CNTN4: variants seen among roughly 807,000 people sequenced by gnomAD.
The protein encoded by CNTN4 is contactin 4, also known as contactin-4.
CNTN4 carries 77 observed loss-of-function variants against 122.5 expected under a neutral mutation model. The observed-to-expected ratio is 0.63, with a 90% CI of 0.52 to 0.76. The LOEUF (loss-of-function observed/expected upper bound fraction) is 0.76. Ranked by LOEUF, CNTN4 falls within the 30% of genes least tolerant of loss-of-function variation. CNTN4 has a pLI of 0.00. For synonymous variants in CNTN4, 512 were observed against 447.0 expected, an observed-to-expected ratio of 1.15 and a Z score of -1.83; for missense variants, 1,256 against 1,259.1, an observed-to-expected ratio of 1.00 and a Z score of 0.04.
chr3:2,513,190 C>A (rs2076940240), intron 3 of CNTN4, among the ~76,000 whole-genome samples: 3 of 152,136 alleles, frequency 2.0e-5, no homozygotes, highest in Non-Finnish European at 2.9e-5. Flanking sequence ...GAAGTAACGG[C>A]AAGTGGTTTT....
chr3:2,377,018 T>G (rs1559499280), intron 3 of CNTN4, among the ~76,000 whole-genome samples: 1 of 152,076 alleles, frequency 6.6e-6, no homozygotes, highest in African/African-American at 2.4e-5. Flanking sequence ...TAGCCAGGCA[T>G]AGTGGAGCAC....
At chr3:2,925,920 G>T (rs982019688) in intron 13 of CNTN4, 141 bp downstream of exon 13, 11 of 730,556 alleles carry the variant, frequency 1.5e-5, no homozygotes, top group Non-Finnish European at 2.5e-5. Context: ...GCTTTGGAAG[G>T]ATGAGTGGTA....
At chr3:2,891,671 T>C (rs1559626939) in intron 10 of CNTN4, among the ~76,000 whole-genome samples, 1 of 152,150 alleles carries the variant, frequency 6.6e-6, no homozygotes, top group Non-Finnish European at 1.5e-5. Flanking sequence ...TTTCTTGATA[T>C]GCAGCAGGGA....
intron 2 of CNTN4, among the ~76,000 whole-genome samples, chr3:2,192,047 A>G (rs1473177228): frequency 2.0e-5 from 3 of 151,866 alleles, no homozygotes; most frequent in African/African-American, 7.3e-5. Context: ...TCTCCCTACA[A>G]AGGACATGAA....
intron 2 of CNTN4, among the ~76,000 whole-genome samples, chr3:2,262,859 TC>T (rs903849120): frequency 8.5e-5 from 13 of 152,142 alleles, no homozygotes; most frequent in Non-Finnish European, 1.8e-4. Flanking sequence ...ACTGTAGTGT[TC>T]CATGATGTCA....
At chr3:2,779,917 AG>A (rs1237090265) in intron 6 of CNTN4, among the ~76,000 whole-genome samples, 1 of 152,260 alleles carries the variant, frequency 6.6e-6, no homozygotes, top group African/African-American at 2.4e-5. Flanking sequence ...TTGACTCTCA[AG>A]AATTCATACC....
At chr3:2,121,615 A>G (rs1227653434) in intron 2 of CNTN4, among the ~76,000 whole-genome samples, 1 of 152,234 alleles carries the variant, frequency 6.6e-6, no homozygotes, top group Non-Finnish European at 1.5e-5. Context: ...ACTGAAGAAT[A>G]TAAGCAAATG....
intron 2 of CNTN4, among the ~76,000 whole-genome samples, chr3:2,335,418 C>A (rs2150326170): frequency 6.6e-6 from 1 of 152,102 alleles, no homozygotes; most frequent in African/African-American, 2.4e-5. Context: ...GTACATTAGG[C>A]TCATTTTATT....
intron 13 of CNTN4, among the ~76,000 whole-genome samples, chr3:2,966,602 T>G (rs772106794): frequency 2.3e-4 from 35 of 152,178 alleles, no homozygotes; most frequent in Admixed American, 6.5e-4. Context: ...TTATTGTATA[T>G]TTTGAAATAA....
intron 23 of CNTN4, among the ~76,000 whole-genome samples, chr3:3,052,439 C>T (rs1701361064): frequency 6.6e-6 from 1 of 151,680 alleles, no homozygotes; most frequent in Admixed American, 6.6e-5. Context: ...CACTGAGCTA[C>T]AGCATAAGTA....
chr3:2,950,634 A>G (rs143937448), intron 13 of CNTN4, among the ~76,000 whole-genome samples: 4 of 152,332 alleles, frequency 2.6e-5, no homozygotes, highest in Non-Finnish European at 5.9e-5. Flanking sequence ...GAAAGAATAG[A>G]GAAGGCAACG....
chr3:2,749,294 G>T (rs1416290157), intron 6 of CNTN4, among the ~76,000 whole-genome samples: 1 of 151,676 alleles, frequency 6.6e-6, no homozygotes, highest in African/African-American at 2.4e-5. Flanking sequence ...CAAAGTAGCT[G>T]GGATTACAGG....
chr3:2,771,103 C>T (rs1017106347), intron 6 of CNTN4, among the ~76,000 whole-genome samples: 4 of 152,166 alleles, frequency 2.6e-5, no homozygotes, highest in African/African-American at 9.7e-5. Context: ...GCACTTAAAG[C>T]AAAATGACTG....
At chr3:2,434,921 C>T (rs972766938) in intron 3 of CNTN4, among the ~76,000 whole-genome samples, 3 of 152,246 alleles carry the variant, frequency 2.0e-5, no homozygotes, top group Non-Finnish European at 1.5e-5. Flanking sequence ...CATTTAAAGT[C>T]GTCATTATTT....
intron 13 of CNTN4, among the ~76,000 whole-genome samples, chr3:2,981,427 G>A (rs1339937366): frequency 6.6e-6 from 1 of 151,742 alleles, no homozygotes; most frequent in Non-Finnish European, 1.5e-5. Context: ...CTGGGCGACA[G>A]AGCGAGACTC....
At position 3,010,461 on chromosome 3, in the gene CNTN4, C is replaced by G. The variant is rs537262098; in HGVS notation, c.1487-15641C>G. ...TTCTCTCTGTCTTTATAGGCTTATG[C>G]CATTAAAAAAAAAAAAAAAAAATCC... is the stretch of plus-strand genomic sequence containing the variant. On this transcript the variant is annotated intron_variant, in intron 14 of 24. Coordinates refer to ENST00000418658, the MANE Select transcript of CNTN4 (RefSeq NM_175607.3). Among the ~76,000 whole-genome samples, 3 of 77,482 alleles carry G rather than the reference C, an allele frequency of 3.9e-5. No homozygotes were observed. The South Asian group carries it at 9.3e-4, about 24-fold the overall frequency. The allele number at this position is 77,482 out of a possible 152,430, so 50.8% of individuals were successfully genotyped here. A position where few individuals can be genotyped will look rare whatever the true frequency, so the allele number is the denominator to read the frequency against.
chr3:2,268,608 C>T (rs796229635), intron 2 of CNTN4, among the ~76,000 whole-genome samples: 13 of 151,910 alleles, frequency 8.6e-5, no homozygotes, highest in African/African-American at 2.9e-4. Context: ...TAGACTAGGT[C>T]CTAGTTAATG....
chr3:2,485,212 G>T (rs545789829), intron 3 of CNTN4, among the ~76,000 whole-genome samples: 1 of 152,338 alleles, frequency 6.6e-6, no homozygotes, highest in South Asian at 2.1e-4. Context: ...GGGCTCCAGC[G>T]CGGCCGGAGC....
At chr3:2,187,396 G>A (rs1231226953) in intron 2 of CNTN4, among the ~76,000 whole-genome samples, 1 of 152,172 alleles carries the variant, frequency 6.6e-6, no homozygotes, top group Non-Finnish European at 1.5e-5. Context: ...GCTTAGGATT[G>A]TCTTGGCAAT....
Sources: gnomAD v4.1 joint callset for allele counts (sites outside exome capture counted in the v4.1 genomes callset) on GRCh38, gnomAD v4.1.1 for gene constraint, MANE v1.5 for transcripts, NCBI Gene and HGNC (gene_info 2026-07-23, HGNC 2026-07-21) for gene names.